Variants in CACNA1C observed in about 807,000 individuals in gnomAD.
CACNA1C encodes calcium voltage-gated channel subunit alpha1 C, also known as voltage-dependent L-type calcium channel subunit alpha-1C.
CACNA1C carries 30 observed loss-of-function variants against 229.0 expected under a neutral mutation model. The observed-to-expected ratio is 0.13, with a 90% confidence interval of 0.10 to 0.18. The LOEUF is 0.18. Ranked by LOEUF, CACNA1C falls within the 10% of genes least tolerant of loss-of-function variation. The pLI is 1.00. For synonymous variants in CACNA1C, 1,114 were observed against 1,132.5 expected, an observed-to-expected ratio of 0.98 and a Z score of 0.33; for missense variants, 1,658 against 2,845.0, an observed-to-expected ratio of 0.58 and a Z score of 9.49.
intron 3 of CACNA1C, among the ~76,000 whole-genome samples, chr12:2,254,422 G>A (rs2076632851): frequency 6.6e-6 from 1 of 152,150 alleles, no homozygotes; most frequent in Admixed American, 6.5e-5. Context: ...TTTGAGTGTT[G>A]GCTGTGAACT....
chr12:2,001,359 A>T (rs1435059109), intron 1 of CACNA1C, among the ~76,000 whole-genome samples: 1 of 152,188 alleles, frequency 6.6e-6, no homozygotes, highest in Non-Finnish European at 1.5e-5. Flanking sequence ...TTTAGCTTAA[A>T]TTTTAAAAGT....
At chr12:2,587,194 T>C (rs1332419103) in intron 18 of CACNA1C, among the ~76,000 whole-genome samples, 6 of 152,152 alleles carry the variant, frequency 3.9e-5, no homozygotes, top group Non-Finnish European at 7.3e-5. Flanking sequence ...TGCTTTGCTT[T>C]TAAAATATTC....
At chr12:2,599,880 G>A (rs531121099) in intron 21 of CACNA1C, among the ~76,000 whole-genome samples, 1 of 152,286 alleles carries the variant, frequency 6.6e-6, no homozygotes, top group East Asian at 1.9e-4. Context: ...CTGCCTGGAT[G>A]CATGTTCCCA....
At chr12:2,195,459 G>A (rs188599513) in intron 3 of CACNA1C, among the ~76,000 whole-genome samples, 5 of 152,310 alleles carry the variant, frequency 3.3e-5, no homozygotes, top group Non-Finnish European at 7.3e-5. Flanking sequence ...ATGCACTTAA[G>A]TAGGTTTCCA....
rs1310723848 is a variant in CACNA1C, at chr12:2,319,025, T to C, written c.478-129951T>C. Among the ~76,000 whole-genome samples, 1 of 151,878 alleles carries C rather than the reference T, an allele frequency of 6.6e-6. No individual in the cohort carries two copies. Among genetic ancestry groups the C allele is most frequent in the Non-Finnish European group, 1.5e-5 (1 of 67,942 alleles). On this transcript the variant is annotated intron_variant, in intron 3 of 46. Coordinates refer to ENST00000399655, the MANE Select transcript of CACNA1C (RefSeq NM_000719.7). The surrounding 1 kb of genome is among the most constrained non-coding windows in gnomAD (Gnocchi z 4.0). ...AGTTGAGCTCCTTTTCTGACAATAG[T>C]GGTGTTTCCAAGGACCAATCTTTAC...
intron 3 of CACNA1C, among the ~76,000 whole-genome samples, chr12:2,144,686 T>C (rs1029269246): frequency 6.6e-6 from 1 of 151,496 alleles, no homozygotes; most frequent in African/African-American, 2.4e-5. Context: ...TAATGATCAC[T>C]GTATTTCATG....
chr12:2,614,297 T>A (rs2079314827), intron 29 of CACNA1C: 1 of 152,240 alleles, frequency 6.6e-6, no homozygotes, highest in Non-Finnish European at 1.5e-5. Context: ...CCATTTGCAT[T>A]TCACATTCCA....
chr12:2,188,415 ATGT>A (rs1205832575), intron 3 of CACNA1C, among the ~76,000 whole-genome samples: 2 of 152,142 alleles, frequency 1.3e-5, no homozygotes, highest in Admixed American at 6.5e-5. Flanking sequence ...ATTTTTGTAG[ATGT>A]TGTGTGAAAT....
intron 5 of CACNA1C, among the ~76,000 whole-genome samples, chr12:2,463,565 G>C (rs903415704): frequency 3.9e-5 from 6 of 152,206 alleles, no homozygotes; most frequent in African/African-American, 1.4e-4. Flanking sequence ...ACCATACTTT[G>C]GGGAGTGGTG....
At chr12:2,676,141 C>G (rs939246160) in intron 39 of CACNA1C, 2 of 152,200 alleles carry the variant, frequency 1.3e-5, no homozygotes, top group African/African-American at 4.8e-5. Context: ...AAACCCAGGC[C>G]CCAGGGAACC....
chr12:2,202,362 G>A (rs532616110), intron 3 of CACNA1C, among the ~76,000 whole-genome samples: 4 of 152,136 alleles, frequency 2.6e-5, no homozygotes, highest in South Asian at 4.1e-4. Flanking sequence ...CCTGGTCCCC[G>A]TTTGCCTCCA....
rs949277728 is a variant in CACNA1C, at chr12:2,633,774, TTCTC to T, written c.3829-514_3829-511del. 6.7e-6 allele frequency: 6 copies of T among 897,816 alleles called. No individual in the cohort carries two copies. In the South Asian group the frequency reaches 6.9e-5, roughly 10 times the overall value. 55.6% of individuals were successfully genotyped at this position (897,816 alleles called of 1,614,324 possible). On this transcript the variant is annotated intron_variant, in intron 29 of 46. Transcript: ENST00000399655. This position sits in a 1 kb window ranked among gnomAD's most constrained non-coding sequence, Gnocchi z 5.8. ...ATTCCTCCTCCTCTGCCTCGTCTAT[TTCTC>T]TCTCTCTCACTCTCTCTGTTTACCT...
rs1168066320 is a variant in CACNA1C, at chr12:2,479,828, C to T, written c.758-6276C>T. ...GGTTTTCCCAGGCTTGAGGTTGACT[C>T]GCCATTTCTTTTCATCCAGGCTTTC... On this transcript the variant is annotated intron_variant, in intron 5 of 46. Coordinates refer to ENST00000399655, the MANE Select transcript of CACNA1C (RefSeq NM_000719.7). The surrounding 1 kb of genome is among the most constrained non-coding windows in gnomAD (Gnocchi z 4.3). 3.3e-5 allele frequency among the ~76,000 whole-genome samples: 5 copies of T among 152,156 alleles called. No homozygotes were observed. The highest frequency in any genetic ancestry group is 1.9e-4 in the East Asian group (1 of 5,184).
chr12:2,602,168 A>C lies in CACNA1C; in HGVS notation c.2960+208A>C, dbSNP rs1473294762. 1.3e-5 allele frequency among the ~76,000 whole-genome samples: 2 copies of C among 152,182 alleles called. No individual in the cohort carries two copies. Among genetic ancestry groups the C allele is most frequent in the Non-Finnish European group, 2.9e-5 (2 of 68,038 alleles). The stretch of plus-strand genomic sequence containing the variant: ...CTTGGGGCACGTTGATCAGGTGAGA[A>C]TATGTTTAATTATCTGGGTTTTGCC... On this transcript the variant is annotated intron_variant, in intron 22 of 46. Coordinates refer to ENST00000399655, the MANE Select transcript of CACNA1C (RefSeq NM_000719.7). This position sits in a 1 kb window ranked among gnomAD's most constrained non-coding sequence, Gnocchi z 4.4.
At chr12:2,057,646 T>TG (rs2055682331) in intron 1 of CACNA1C, among the ~76,000 whole-genome samples, 1 of 152,222 alleles carries the variant, frequency 6.6e-6, no homozygotes, top group Non-Finnish European at 1.5e-5. Flanking sequence ...AGAACTCCTT[T>TG]GGAGCCCACC....
At chr12:2,419,796 C>G (rs917128935) in intron 3 of CACNA1C, among the ~76,000 whole-genome samples, 1 of 152,144 alleles carries the variant, frequency 6.6e-6, no homozygotes, top group African/African-American at 2.4e-5. Flanking sequence ...TGGCCTCTCC[C>G]CCTAAGAGAT....
At position 2,695,286 on chromosome 12, in the gene CACNA1C, G is replaced by A. The variant is rs2097830858; in HGVS notation, c.*4087G>A. The A allele has an allele frequency of 6.6e-6, 1 of 152,284 alleles. No homozygotes were observed. The highest frequency in any genetic ancestry group is 2.4e-5 in the African/African-American group (1 of 41,456). The allele number at this position is 152,284 out of a possible 1,614,324, so 9.4% of individuals were successfully genotyped here. A position where few individuals can be genotyped will look rare whatever the true frequency, so the allele number is the denominator to read the frequency against. ...CACCCACAGTGACCAGTGTGGTGGA[G>A]CCGCTGACATCTCAAGGATCTATTT... On this transcript the variant is annotated 3_prime_UTR_variant, in exon 47 of 47. Coordinates refer to ENST00000399655, the MANE Select transcript of CACNA1C (RefSeq NM_000719.7).
At chr12:2,502,012 T>C (rs1296694454) in intron 7 of CACNA1C, among the ~76,000 whole-genome samples, 1 of 152,232 alleles carries the variant, frequency 6.6e-6, no homozygotes, top group African/African-American at 2.4e-5. Context: ...TCCTTCCTGC[T>C]CTTTATCTCC....
chr12:2,186,607 C>T (rs1315777957), intron 3 of CACNA1C, among the ~76,000 whole-genome samples: 1 of 152,160 alleles, frequency 6.6e-6, no homozygotes, highest in African/African-American at 2.4e-5. Context: ...TTATTGATCC[C>T]TGACTTGTTC....
Sources: allele counts gnomAD v4.1 joint callset (sites outside exome capture counted in the v4.1 genomes callset), GRCh38; gene constraint gnomAD v4.1.1; non-coding constraint Gnocchi (gnomAD v3.1); transcripts MANE v1.5; gene names NCBI Gene and HGNC (gene_info 2026-07-23, HGNC 2026-07-21).